PALLD: variants seen among roughly 807,000 people sequenced by gnomAD.
PALLD encodes palladin, cytoskeletal associated protein.
PALLD carries 61 observed loss-of-function variants against 123.5 expected under a neutral mutation model. The ratio of observed to expected loss-of-function variants is 0.49; its 90% confidence interval spans 0.40 to 0.61. The LOEUF (loss-of-function observed/expected upper bound fraction) is 0.61. Ranked by LOEUF, PALLD falls within the 20% of genes least tolerant of loss-of-function variation. The pLI, the probability that PALLD is intolerant of heterozygous loss-of-function variation, is 0.00. For missense variants in PALLD, 1,273 were observed against 1,377.0 expected (o/e 0.92, Z 1.20); for synonymous variants, 465 against 496.4 (o/e 0.94, Z 0.84).
At chr4:168,896,646 G>T (rs915812176) in intron 13 of PALLD, 47 bp downstream of exon 13, 2 of 1,019,432 alleles carry the variant, frequency 2.0e-6, no homozygotes, top group Admixed American at 4.2e-5. Context: ...CTCTGTGTCT[G>T]TTTTCTTCTG....
intron 2 of PALLD, among the ~76,000 whole-genome samples, chr4:168,623,267 C>T (rs1774932787): frequency 6.6e-6 from 1 of 152,170 alleles, no homozygotes; most frequent in African/African-American, 2.4e-5. Flanking sequence ...CTATTTGTAT[C>T]ACCACCTAAA....
intron 10 of PALLD, among the ~76,000 whole-genome samples, chr4:168,826,933 C>G (rs1026557101): frequency 5.9e-5 from 9 of 152,154 alleles, no homozygotes; most frequent in African/African-American, 2.2e-4. Flanking sequence ...CTCTTCAGCC[C>G]CCTCCCGACT....
chr4:168,537,384 A>C (rs1001682482), intron 2 of PALLD, among the ~76,000 whole-genome samples: 6 of 152,206 alleles, frequency 3.9e-5, no homozygotes, highest in African/African-American at 1.2e-4. Flanking sequence ...TCAATGATTG[A>C]AGCAATTATT....
At chr4:168,866,640 A>C (rs1750330574) in intron 10 of PALLD, among the ~76,000 whole-genome samples, 1 of 152,360 alleles carries the variant, frequency 6.6e-6, no homozygotes, top group East Asian at 1.9e-4. Flanking sequence ...TCTCAATATA[A>C]TGAACGCTAG....
At chr4:168,612,781 C>A (rs1418813225) in intron 2 of PALLD, among the ~76,000 whole-genome samples, 1 of 152,152 alleles carries the variant, frequency 6.6e-6, no homozygotes, top group Non-Finnish European at 1.5e-5. Flanking sequence ...GTGCTTAGAG[C>A]TAAACTTCCT....
chr4:168,631,335 G>A (rs543742729), intron 2 of PALLD, among the ~76,000 whole-genome samples: 2 of 152,154 alleles, frequency 1.3e-5, no homozygotes, highest in African/African-American at 4.8e-5. Flanking sequence ...GAGCTGCAAC[G>A]TTTCCTAAAT....
intron 8 of PALLD, among the ~76,000 whole-genome samples, chr4:168,707,194 G>A (rs1784309434): frequency 6.6e-6 from 1 of 152,166 alleles, no homozygotes; most frequent in Non-Finnish European, 1.5e-5. Flanking sequence ...CTCTTAGAAG[G>A]ATGTTAGTGA....
chr4:168,882,969 AG>A (rs1261044065), intron 10 of PALLD, among the ~76,000 whole-genome samples: 2 of 152,114 alleles, frequency 1.3e-5, no homozygotes, highest in Non-Finnish European at 2.9e-5. Context: ...GTGCACCTGT[AG>A]TCCCAGCTAC....
chr4:168,875,031 C>T (rs762867637), intron 10 of PALLD, among the ~76,000 whole-genome samples: 3 of 148,396 alleles, frequency 2.0e-5, no homozygotes, highest in African/African-American at 7.8e-5. Context: ...CTATCTAGAA[C>T]GCTTAACTTG....
At chr4:168,723,042 G>A (rs1426842689) in intron 10 of PALLD, among the ~76,000 whole-genome samples, 2 of 152,200 alleles carry the variant, frequency 1.3e-5, no homozygotes, top group Non-Finnish European at 2.9e-5. Flanking sequence ...CTTTCCAAGT[G>A]ATAAAAGAAT....
chr4:168,720,828 A>G (rs934204228), intron 10 of PALLD, among the ~76,000 whole-genome samples: 7 of 152,240 alleles, frequency 4.6e-5, no homozygotes, highest in African/African-American at 1.7e-4. Flanking sequence ...GAGAAGTCCA[A>G]TCAAGGAGCT....
chr4:168,532,612 A>G (rs1764709904), intron 2 of PALLD, among the ~76,000 whole-genome samples: 1 of 152,216 alleles, frequency 6.6e-6, no homozygotes, highest in East Asian at 1.9e-4. Flanking sequence ...TACGTAAGTA[A>G]AAATTTCAGA....
chr4:168,670,542 G>T (rs1341173142), intron 3 of PALLD, among the ~76,000 whole-genome samples: 1 of 149,672 alleles, frequency 6.7e-6, no homozygotes, highest in Non-Finnish European at 1.5e-5. Flanking sequence ...GACCATCCTG[G>T]CTGACAAGGT....
intron 1 of PALLD, among the ~76,000 whole-genome samples, chr4:168,501,778 T>G (rs974534894): frequency 6.6e-6 from 1 of 152,178 alleles, no homozygotes; most frequent in African/African-American, 2.4e-5. Flanking sequence ...CTTGTGACTT[T>G]CACCACCCTC....
intron 10 of PALLD, among the ~76,000 whole-genome samples, chr4:168,890,496 TTC>T (rs1462530475): frequency 6.6e-6 from 1 of 152,142 alleles, no homozygotes; most frequent in African/African-American, 2.4e-5. Context: ...TAAAAATACG[TTC>T]TCTTTCAACC....
At chr4:168,579,059 G>T (rs1769952966) in intron 2 of PALLD, among the ~76,000 whole-genome samples, 2 of 151,410 alleles carry the variant, frequency 1.3e-5, no homozygotes, top group South Asian at 4.2e-4. Context: ...TCAAAGAAAG[G>T]GATAAAGGAG....
chr4:168,811,814 A>T (rs998211279), intron 10 of PALLD, among the ~76,000 whole-genome samples: 15 of 150,306 alleles, frequency 1.0e-4, no homozygotes, highest in African/African-American at 3.7e-4. Context: ...ACACACATTT[A>T]TTGAATTGAG....
intron 2 of PALLD, among the ~76,000 whole-genome samples, chr4:168,529,244 A>G (rs1764366970): frequency 1.3e-5 from 2 of 152,044 alleles, no homozygotes; most frequent in Non-Finnish European, 1.5e-5. Context: ...GACTAAGGCA[A>G]GAGAATTGCT....
At chr4:168,550,054 C>T (rs769337469) in intron 2 of PALLD, among the ~76,000 whole-genome samples, 11 of 152,120 alleles carry the variant, frequency 7.2e-5, no homozygotes, top group Non-Finnish European at 1.0e-4. Context: ...TCTCCATTAG[C>T]CATAGTGAAT....
Sources: allele counts gnomAD v4.1 joint callset (sites outside exome capture counted in the v4.1 genomes callset), GRCh38; gene constraint gnomAD v4.1.1; transcripts MANE v1.5; gene names NCBI Gene and HGNC (gene_info 2026-07-23, HGNC 2026-07-21).